C3orf70: variants seen among roughly 807,000 people sequenced by gnomAD.
C3orf70 encodes UPF0524 protein C3orf70.
In C3orf70, 15 loss-of-function variants were observed where a neutral mutation model predicts 20.7. The ratio of observed to expected loss-of-function variants is 0.72; its 90% CI spans 0.48 to 1.11. The LOEUF is 1.11. Among genes scored for constraint, C3orf70 ranks in the 50% most tolerant of loss-of-function variants. The pLI is 0.00. For missense variants in C3orf70, 332 were observed against 317.6 expected (o/e 1.05, Z -0.34); for synonymous variants, 161 against 125.7 (o/e 1.28, Z -1.88).
chr3:185,133,857 G>A (rs77946859), intron 1 of C3orf70, among the ~76,000 whole-genome samples: 24,724 of 152,228 alleles, frequency 0.16, 2,719 homozygotes, highest in East Asian at 0.42. Flanking sequence ...GGGAGGCTGA[G>A]GTGGGCAGAT....
chr3:185,108,153 T>G (rs1412302414), intron 1 of C3orf70, among the ~76,000 whole-genome samples: 2 of 152,240 alleles, frequency 1.3e-5, no homozygotes, highest in Non-Finnish European at 2.9e-5. Flanking sequence ...TTCTTAAAAC[T>G]GTTTCAGTTT....
At chr3:185,143,337 AC>A (rs1266238212) in intron 1 of C3orf70, among the ~76,000 whole-genome samples, 1 of 152,196 alleles carries the variant, frequency 6.6e-6, no homozygotes, top group African/African-American at 2.4e-5. Flanking sequence ...TCCATGAAAT[AC>A]CAAATTGTTA....
At chr3:185,132,132 G>A (rs929824177) in intron 1 of C3orf70, among the ~76,000 whole-genome samples, 2 of 152,090 alleles carry the variant, frequency 1.3e-5, no homozygotes, top group Non-Finnish European at 2.9e-5. Flanking sequence ...AAGCAAATCC[G>A]ATCTGAAGGA....
At chr3:185,148,595 C>G (rs550028244) in intron 1 of C3orf70, among the ~76,000 whole-genome samples, 3 of 152,274 alleles carry the variant, frequency 2.0e-5, no homozygotes, top group Admixed American at 2.0e-4. Flanking sequence ...CTTTCCCATC[C>G]CTCCTCTCTC....
Position 185,152,704 on chromosome 3 carries a change from C to T in C3orf70, c.120G>A (p.Gly40=). ...ARRPDFQPCD[G]LSICATHSHG... ...GGCTGTGCGTGGCACAGATAGACAG[C>T]CCGTCGCACGGCTGGAAGTCGGGTC... The change falls in exon 1 of 2, where the codon GGG becomes GGA. Residue 40 remains glycine (G), a synonymous_variant. Transcript: ENST00000335012. The T allele has an allele frequency of 1.9e-6, 3 of 1,593,324 alleles. No individual in the cohort carries two copies. The highest frequency in any genetic ancestry group is 2.6e-6 in the Non-Finnish European group (3 of 1,170,402).
chr3:185,121,561 T>C (rs942777071), intron 1 of C3orf70, among the ~76,000 whole-genome samples: 3 of 151,918 alleles, frequency 2.0e-5, no homozygotes, highest in Non-Finnish European at 4.4e-5. Context: ...GCAGAGACAA[T>C]AGCAAGAACA....
rs542687538 is a variant in C3orf70, at chr3:185,078,309, A to G, written c.*4698T>C. 1 of 152,746 alleles carries G rather than the reference A, an allele frequency of 6.5e-6. No individual in the cohort carries two copies. Among genetic ancestry groups the G allele is most frequent in the Admixed American group, 6.5e-5 (1 of 15,308 alleles). The allele number at this position is 152,746 out of a possible 1,614,324, so 9.5% of individuals were successfully genotyped here. ...AAGCTCAATATTAAAGCCGCTAGTG[A>G]TAAGTCGCTTTGAGAAGTGTTCAGG... On this transcript the variant is annotated 3_prime_UTR_variant, in exon 2 of 2. Transcript: ENST00000335012.
At position 185,152,892 on chromosome 3, in the gene C3orf70, C is replaced by T; in HGVS notation, c.-69G>A. The T allele has an allele frequency of 2.2e-6, 3 of 1,362,402 alleles. No individual in the cohort carries two copies. The highest frequency in any genetic ancestry group is 6.2e-5 in the East Asian group (2 of 32,410). 84.4% of individuals were successfully genotyped at this position (1,362,402 alleles called of 1,614,324 possible). On this transcript the variant is annotated 5_prime_UTR_variant, in exon 1 of 2. Transcript: ENST00000335012. ...AGCGACGTCTGGGTGGGCAGGAAGCCGAGCCGGCTGCGGACGCGGGAGGGC... is the reference window on the plus strand; with the variant it reads ...AGCGACGTCTGGGTGGGCAGGAAGCTGAGCCGGCTGCGGACGCGGGAGGGC...
chr3:185,098,418 T>C (rs969854021), intron 1 of C3orf70, among the ~76,000 whole-genome samples: 1 of 152,222 alleles, frequency 6.6e-6, no homozygotes, highest in Non-Finnish European at 1.5e-5. Flanking sequence ...ATCTCATGGA[T>C]GGTTTCAAAG....
At chr3:185,086,056 C>G (rs1715452427) in intron 1 of C3orf70, among the ~76,000 whole-genome samples, 1 of 152,216 alleles carries the variant, frequency 6.6e-6, no homozygotes, top group Non-Finnish European at 1.5e-5. Flanking sequence ...TCCACTGTCA[C>G]AGCCACAGGA....
intron 1 of C3orf70, among the ~76,000 whole-genome samples, chr3:185,146,804 T>C (rs1355590075): frequency 2.6e-5 from 4 of 152,214 alleles, no homozygotes; most frequent in South Asian, 2.1e-4. Context: ...TAGAGTTGTA[T>C]AGAAGCACAA....
intron 1 of C3orf70, among the ~76,000 whole-genome samples, chr3:185,111,186 C>T (rs913071092): frequency 6.6e-6 from 1 of 152,084 alleles, no homozygotes; most frequent in Non-Finnish European, 1.5e-5. Flanking sequence ...TCTTTATGAT[C>T]TTGAATTAGA....
intron 1 of C3orf70, among the ~76,000 whole-genome samples, chr3:185,125,853 G>A (rs989578494): frequency 3.9e-5 from 6 of 152,070 alleles, no homozygotes; most frequent in Non-Finnish European, 1.5e-5. Context: ...CAAAACTCTA[G>A]GGCATAAAAA....
intron 1 of C3orf70, among the ~76,000 whole-genome samples, chr3:185,118,413 T>C (rs1038931605): frequency 3.9e-5 from 6 of 152,230 alleles, no homozygotes; most frequent in Non-Finnish European, 7.3e-5. Context: ...ACTTTACTTA[T>C]CTGTCTCTTC....
At chr3:185,128,755 C>T (rs558917888) in intron 1 of C3orf70, among the ~76,000 whole-genome samples, 2 of 152,294 alleles carry the variant, frequency 1.3e-5, no homozygotes, top group East Asian at 3.9e-4. Context: ...GGACCCAGCA[C>T]AGGTCACTTT....
intron 1 of C3orf70, among the ~76,000 whole-genome samples, chr3:185,096,161 T>C (rs1357709065): frequency 2.0e-5 from 3 of 152,208 alleles, no homozygotes; most frequent in Non-Finnish European, 2.9e-5. Flanking sequence ...TCTTTAATAA[T>C]TACCTCTCAT....
At chr3:185,111,518 G>A (rs749990560) in intron 1 of C3orf70, among the ~76,000 whole-genome samples, 3 of 152,070 alleles carry the variant, frequency 2.0e-5, no homozygotes, top group African/African-American at 7.2e-5. Flanking sequence ...AAACAAAACC[G>A]CAATGAGCTA....
chr3:185,148,265 C>T (rs36001834), intron 1 of C3orf70, among the ~76,000 whole-genome samples: 11,045 of 152,188 alleles, frequency 0.073, 453 homozygotes, highest in South Asian at 0.11. Context: ...AATTGCCTAC[C>T]GACATCACCA....
chr3:185,126,191 T>C (rs1716406702), intron 1 of C3orf70, among the ~76,000 whole-genome samples: 1 of 152,234 alleles, frequency 6.6e-6, no homozygotes, highest in African/African-American at 2.4e-5. Context: ...TTTTTATATA[T>C]AATTTCAAGC....
Sources: gnomAD v4.1 joint callset for allele counts (sites outside exome capture counted in the v4.1 genomes callset) on GRCh38, gnomAD v4.1.1 for gene constraint, MANE v1.5 for transcripts, NCBI Gene and HGNC (gene_info 2026-07-23, HGNC 2026-07-21) for gene names.